The following PPP1R14C variants were observed in gnomAD, a reference collection of about 807,000 sequenced individuals.
PPP1R14C encodes protein phosphatase 1 regulatory inhibitor subunit 14C, also known as protein phosphatase 1 regulatory subunit 14C.
Under a neutral mutation model 20.4 loss-of-function variants are expected in PPP1R14C, and 16 were observed. That is an observed-to-expected ratio of 0.78 (90% CI 0.53 to 1.19). The LOEUF is 1.19. Among genes scored for constraint, PPP1R14C ranks in the 50% most tolerant of loss-of-function variants. The pLI is 0.00. For synonymous variants in PPP1R14C, 91 were observed against 91.0 expected (o/e 1.00, Z 0.00); for missense variants, 211 against 220.1 (o/e 0.96, Z 0.26).
At chr6:150,245,840 A>G (rs1778483818) in intron 3 of PPP1R14C, among the ~76,000 whole-genome samples, 1 of 152,232 alleles carries the variant, frequency 6.6e-6, no homozygotes, top group Non-Finnish European at 1.5e-5. Context: ...TTCTGTATGG[A>G]GAATAAATAT....
At chr6:150,215,289 T>C (rs1471804606) in intron 2 of PPP1R14C, among the ~76,000 whole-genome samples, 1 of 152,210 alleles carries the variant, frequency 6.6e-6, no homozygotes, top group Non-Finnish European at 1.5e-5. Flanking sequence ...AGACGATCTG[T>C]TCATAGACAG....
rs1453489300 is a variant in PPP1R14C, at chr6:150,248,989, C to T, written c.*169C>T. On this transcript the variant is annotated 3_prime_UTR_variant, in exon 4 of 4. Transcript: ENST00000361131. The stretch of plus-strand genomic sequence containing the variant: ...GGTCTATTAGACATTTATTCAAGAG[C>T]GTTCTTTTTTTGGTTTTAAAGGTTT... 2.0e-5 allele frequency: 9 copies of T among 446,962 alleles called. No individual in the cohort carries two copies. Among genetic ancestry groups the T allele is most frequent in the Admixed American group, 7.9e-5 (2 of 25,254 alleles). 27.7% of individuals were successfully genotyped at this position (446,962 alleles called of 1,614,324 possible). A position where few individuals can be genotyped will look rare whatever the true frequency, so the allele number is the denominator to read the frequency against.
intron 3 of PPP1R14C, 53 bp from the exon 4 acceptor site, chr6:150,248,693 A>C (rs1778522690): frequency 1.6e-6 from 2 of 1,266,940 alleles, no homozygotes; most frequent in Admixed American, 3.5e-5. Context: ...CAGATTTTTA[A>C]ACACAGAATT....
rs536613740 is a variant in PPP1R14C, at chr6:150,195,114, G to A, written c.307-19630G>A. 2.2e-5 allele frequency: 22 copies of A among 983,856 alleles called. 1 individual carries two copies. The South Asian group carries it at 9.0e-4, about 40-fold the overall frequency. The allele number at this position is 983,856 out of a possible 1,614,324, so 60.9% of individuals were successfully genotyped here. A position where few individuals can be genotyped will look rare whatever the true frequency, so the allele number is the denominator to read the frequency against. ...AAGAGGAGGTTACTCATGCAATTAT[G>A]TGGGTTACTCTTATTCTTAACTTGA... On this transcript the variant is annotated intron_variant, in intron 1 of 3. Coordinates refer to ENST00000361131, the MANE Select transcript of PPP1R14C (RefSeq NM_030949.3).
chr6:150,179,657 G>C (rs942701179), intron 1 of PPP1R14C, among the ~76,000 whole-genome samples: 1 of 151,074 alleles, frequency 6.6e-6, no homozygotes, highest in Non-Finnish European at 1.5e-5. Flanking sequence ...AAAAAAAAAA[G>C]GGGATAATAT....
At position 150,249,201 on chromosome 6, in the gene PPP1R14C, T is replaced by C. The variant is rs1226329194; in HGVS notation, c.*381T>C. The C allele has an allele frequency of 1.0e-5, 4 of 399,242 alleles. No homozygotes were observed. The highest frequency in any genetic ancestry group is 1.3e-5 in the Non-Finnish European group (3 of 226,902). 24.7% of individuals were successfully genotyped at this position (399,242 alleles called of 1,614,324 possible). ...CTTACAAGTAGTTTGGTAATATTTT[T>C]TTTCTTAAGTTGTACATTTGACTCA... On this transcript the variant is annotated 3_prime_UTR_variant, in exon 4 of 4. Transcript: ENST00000361131.
intron 3 of PPP1R14C, among the ~76,000 whole-genome samples, chr6:150,248,080 C>T (rs1338070383): frequency 6.6e-6 from 1 of 152,162 alleles, no homozygotes; most frequent in African/African-American, 2.4e-5. Context: ...TGTGTGCCAG[C>T]TCAGGACTTT....
At chr6:150,209,867 GTGTA>G (rs1778000798) in intron 1 of PPP1R14C, among the ~76,000 whole-genome samples, 1 of 151,234 alleles carries the variant, frequency 6.6e-6, no homozygotes, top group Admixed American at 6.6e-5. Flanking sequence ...GTGGATGTGA[GTGTA>G]TGAATGGTGT....
chr6:150,213,543 C>A (rs1778054102), intron 1 of PPP1R14C, among the ~76,000 whole-genome samples: 1 of 152,228 alleles, frequency 6.6e-6, no homozygotes, highest in Non-Finnish European at 1.5e-5. Flanking sequence ...CCATGTACAC[C>A]TTTCTCTCTA....
At chr6:150,169,614 G>A (rs992222272) in intron 1 of PPP1R14C, among the ~76,000 whole-genome samples, 6 of 152,198 alleles carry the variant, frequency 3.9e-5, no homozygotes, top group Non-Finnish European at 7.3e-5. Flanking sequence ...ATAAGGTGAA[G>A]GCACAGGACA....
At chr6:150,242,846 G>A (rs1778448438) in intron 3 of PPP1R14C, among the ~76,000 whole-genome samples, 1 of 152,100 alleles carries the variant, frequency 6.6e-6, no homozygotes, top group African/African-American at 2.4e-5. Context: ...AGTTCAGCAA[G>A]CTTGCAGGAT....
At chr6:150,162,275 G>C (rs753498038) in intron 1 of PPP1R14C, among the ~76,000 whole-genome samples, 4 of 152,092 alleles carry the variant, frequency 2.6e-5, no homozygotes, top group Non-Finnish European at 5.9e-5. Context: ...GCCTGATCTC[G>C]AACTCCTGAC....
At chr6:150,222,285 C>T (rs1377887216) in intron 3 of PPP1R14C, among the ~76,000 whole-genome samples, 1 of 151,946 alleles carries the variant, frequency 6.6e-6, no homozygotes, top group African/African-American at 2.4e-5. Flanking sequence ...TTTAAGTAGA[C>T]TTTATTATTT....
chr6:150,239,622 C>T (rs1231365244), intron 3 of PPP1R14C, among the ~76,000 whole-genome samples: 1 of 152,186 alleles, frequency 6.6e-6, no homozygotes, highest in Non-Finnish European at 1.5e-5. Context: ...CAGTAAATGT[C>T]TGCATCAGGA....
In PPP1R14C at chr6:150,198,219, G is replaced by A. The variant is rs368921885; in HGVS notation, c.307-16525G>A. On this transcript the variant is annotated intron_variant, in intron 1 of 3. Coordinates refer to ENST00000361131, the MANE Select transcript of PPP1R14C (RefSeq NM_030949.3). ...CCCCTGGCCGCCACGGTGGAGGAGG[G>A]CCTGGATGCCCGGCTTTGTGTGCCC... 4.1e-5 allele frequency among the ~76,000 whole-genome samples: 6 copies of A among 147,552 alleles called. No homozygotes were observed. The East Asian group carries it at 1.3e-3, about 32-fold the overall frequency.
intron 3 of PPP1R14C, among the ~76,000 whole-genome samples, chr6:150,245,908 G>A (rs1778484432): frequency 6.6e-6 from 1 of 152,160 alleles, no homozygotes; most frequent in Non-Finnish European, 1.5e-5. Context: ...AATTTAATGA[G>A]CAGTTTAAAA....
intron 3 of PPP1R14C, among the ~76,000 whole-genome samples, chr6:150,229,444 G>T (rs1382934704): frequency 2.0e-5 from 3 of 152,202 alleles, no homozygotes; most frequent in Non-Finnish European, 4.4e-5. Flanking sequence ...ACACCAGTTA[G>T]TAAGTGAGGG....
intron 1 of PPP1R14C, among the ~76,000 whole-genome samples, chr6:150,148,039 AGTG>A (rs1777199309): frequency 6.6e-6 from 1 of 152,218 alleles, no homozygotes; most frequent in Non-Finnish European, 1.5e-5. Flanking sequence ...TAACGTCATT[AGTG>A]TTTAAATACC....
chr6:150,196,885 T>C (rs994230683), intron 1 of PPP1R14C, among the ~76,000 whole-genome samples: 2 of 152,232 alleles, frequency 1.3e-5, no homozygotes, highest in African/African-American at 4.8e-5. Context: ...TATTCTACAC[T>C]ACTTGTCTGG....
Sources: gnomAD v4.1 joint callset for allele counts (sites outside exome capture counted in the v4.1 genomes callset) on GRCh38, gnomAD v4.1.1 for gene constraint, MANE v1.5 for transcripts, NCBI Gene and HGNC (gene_info 2026-07-23, HGNC 2026-07-21) for gene names.